DYNC2H1: variants seen among roughly 807,000 people sequenced by gnomAD.
DYNC2H1 encodes the protein cytoplasmic dynein 2 heavy chain 1.
A neutral mutation model predicts 570.0 loss-of-function variants in DYNC2H1; 410 were observed. The ratio of observed to expected loss-of-function variants is 0.72; its 90% CI spans 0.66 to 0.78. DYNC2H1 has a LOEUF of 0.78. Ranked by LOEUF, DYNC2H1 falls within the 30% of genes least tolerant of loss-of-function variation. The pLI is 0.00. For synonymous variants in DYNC2H1, 1,688 were observed against 1,677.6 expected, an observed-to-expected ratio of 1.01 and a Z score of -0.15; for missense variants, 4,865 against 5,046.4, an observed-to-expected ratio of 0.96 and a Z score of 1.09.
At chr11:103,342,652 A>G (rs189464112) in intron 82 of DYNC2H1, among the ~76,000 whole-genome samples, 32,777 of 151,592 alleles carry the variant, frequency 0.22, 3,642 homozygotes, top group Admixed American at 0.31. Flanking sequence ...ACAGGCGCCC[A>G]CCACCATGCC....
At chr11:103,240,040 A>G (rs1182637222) in intron 63 of DYNC2H1, among the ~76,000 whole-genome samples, 4 of 152,156 alleles carry the variant, frequency 2.6e-5, no homozygotes, top group African/African-American at 4.8e-5. Flanking sequence ...TTTTAAGTCA[A>G]AAATCCTCCA....
intron 79 of DYNC2H1, among the ~76,000 whole-genome samples, chr11:103,314,965 A>G (rs931746254): frequency 2.0e-5 from 3 of 152,108 alleles, no homozygotes; most frequent in Non-Finnish European, 4.4e-5. Context: ...GAATTGTTAG[A>G]AAGTTTAGAT....
rs7951350 is a variant in DYNC2H1 at position 103,340,947 on chromosome 11, G to A, written c.12039+16957G>A. Among the ~76,000 whole-genome samples the A allele has an allele frequency of 3.9e-5, 6 of 152,028 alleles. No homozygotes were observed. The South Asian group carries it at 6.2e-4, about 16-fold the overall frequency. ...AAGAAAGCTTATAATAGTTACAAAG[G>A]TTAGAGATTTAAAACTCCAAGCAGA... On this transcript the variant is annotated intron_variant, in intron 82 of 88. Coordinates refer to ENST00000375735, the MANE Select transcript of DYNC2H1 (RefSeq NM_001377.3).
chr11:103,200,017 G>T (rs775958649), intron 49 of DYNC2H1, 29 bp from the exon 50 acceptor site: 1 of 1,436,590 alleles, frequency 7.0e-7, no homozygotes, highest in Non-Finnish European at 9.6e-7. Context: ...TACTTAAAGG[G>T]CACTAAAAAA....
At chr11:103,283,479 T>G (rs1359005001) in intron 73 of DYNC2H1, among the ~76,000 whole-genome samples, 1 of 152,124 alleles carries the variant, frequency 6.6e-6, no homozygotes, top group Non-Finnish European at 1.5e-5. Context: ...TGCATATGTT[T>G]CCATCCTTCC....
intron 81 of DYNC2H1, among the ~76,000 whole-genome samples, chr11:103,323,407 T>TTGCATACTAGTGTGTG (rs61245708): frequency 0.29 from 43,933 of 151,730 alleles, 7,327 homozygotes; most frequent in Non-Finnish European, 0.36. Flanking sequence ...AAAGCAGTGC[T>TTGCATACTAGTGTGTG]TCTACACGTT....
At position 103,472,032 on chromosome 11, in the gene DYNC2H1, G is replaced by A. The variant is rs2135858663; in HGVS notation, c.12765+3327G>A. 6.6e-6 allele frequency among the ~76,000 whole-genome samples: 1 copy of A among 152,300 alleles called. No homozygotes were observed. The highest frequency in any genetic ancestry group is 1.5e-5 in the Non-Finnish European group (1 of 68,010). ...TAACAAGGCATTCCAGACAGAAGTA[G>A]CAGCATATGTAAATATATGCAGATA... On this transcript the variant is annotated intron_variant, in intron 88 of 88. Coordinates refer to ENST00000375735, the MANE Select transcript of DYNC2H1 (RefSeq NM_001377.3). The surrounding 1 kb of genome is among the most constrained non-coding windows in gnomAD (Gnocchi z 4.1).
chr11:103,387,968 T>A (rs1360708403), intron 83 of DYNC2H1, among the ~76,000 whole-genome samples: 23 of 152,208 alleles, frequency 1.5e-4, no homozygotes, highest in Non-Finnish European at 3.1e-4. Flanking sequence ...TGGCTTGGGA[T>A]TGACTTGGCA....
At chr11:103,456,812 C>A (rs947968454) in intron 87 of DYNC2H1, among the ~76,000 whole-genome samples, 4 of 152,190 alleles carry the variant, frequency 2.6e-5, no homozygotes, top group Non-Finnish European at 4.4e-5. Flanking sequence ...GATAGTGACA[C>A]CTTTGCTTTC....
In DYNC2H1 at chr11:103,204,212, G is replaced by C. The variant is rs1327403955; in HGVS notation, c.8311+436G>C. 6.6e-6 allele frequency among the ~76,000 whole-genome samples: 1 copy of C among 152,072 alleles called. No homozygotes were observed. On this transcript the variant is annotated intron_variant, in intron 51 of 88. Coordinates refer to ENST00000375735, the MANE Select transcript of DYNC2H1 (RefSeq NM_001377.3). This position sits in a 1 kb window ranked among gnomAD's most constrained non-coding sequence, Gnocchi z 4.1. ...GAATAGCATGGGAAATACCTGCCCC[G>C]CTCCATGATTCAATCATGTCCCACC...
At chr11:103,310,668 A>ATTTTCTTT (rs1565484680) in intron 78 of DYNC2H1, among the ~76,000 whole-genome samples, 2 of 52,716 alleles carry the variant, frequency 3.8e-5, no homozygotes, top group African/African-American at 1.2e-4. Flanking sequence ...TCAGTAGTGT[A>ATTTTCTTT]TTTTCTTTTT....
At chr11:103,362,878 A>C (rs1940723104) in intron 83 of DYNC2H1, among the ~76,000 whole-genome samples, 1 of 152,056 alleles carries the variant, frequency 6.6e-6, no homozygotes, top group African/African-American at 2.4e-5. Flanking sequence ...TAAAAATACA[A>C]AAATTAGCCA....
rs375621197 is a variant in DYNC2H1, at chr11:103,186,218, T to C, written c.6634-24T>C. The C allele has an allele frequency of 6.9e-6, 11 of 1,597,882 alleles. No individual in the cohort carries two copies. Among genetic ancestry groups the C allele is most frequent in the Middle Eastern group, 1.7e-4 (1 of 6,000 alleles). The stretch of plus-strand genomic sequence containing the variant: ...CACACACTCTGGAGTATGTGAAAAC[T>C]TATCACAATTTTTTCCTCTTAAGGT... On this transcript the variant is annotated intron_variant, in intron 41 of 88. Transcript: ENST00000375735. This position sits in a 1 kb window ranked among gnomAD's most constrained non-coding sequence, Gnocchi z 4.5.
chr11:103,349,675 G>A (rs995843936), intron 82 of DYNC2H1, among the ~76,000 whole-genome samples: 8 of 152,020 alleles, frequency 5.3e-5, no homozygotes, highest in South Asian at 2.1e-4. Context: ...AATACACTTC[G>A]GTGACAGGTT....
At chr11:103,470,366 T>C (rs184172285) in intron 88 of DYNC2H1, among the ~76,000 whole-genome samples, 59 of 152,342 alleles carry the variant, frequency 3.9e-4, no homozygotes, top group Admixed American at 1.4e-3. Context: ...GTAAAATGAA[T>C]AGAGCATTTA....
chr11:103,431,029 A>C (rs141069826), intron 84 of DYNC2H1, among the ~76,000 whole-genome samples: 2 of 152,130 alleles, frequency 1.3e-5, no homozygotes, highest in South Asian at 2.1e-4. Context: ...ATTGGCAAAT[A>C]GCAGCTATTT....
In DYNC2H1 at chr11:103,154,806, T is replaced by C. The variant is rs1370439821; in HGVS notation, c.3570T>C (p.Tyr1190=). ...TVKLQSEVDK[Y]KIVIPILKYV... The stretch of plus-strand genomic sequence containing the variant: ...AATTACAATCAGAGGTTGACAAATA[T>C]AAAGTAAGATTGTTTTATTATTTTG... Residue 1190 remains tyrosine, a synonymous_variant, in exon 24 of 89, where the codon TAT becomes TAC. Coordinates refer to ENST00000375735, the MANE Select transcript of DYNC2H1 (RefSeq NM_001377.3). 3 of 1,537,912 alleles carry C rather than the reference T, an allele frequency of 2.0e-6. No individual in the cohort carries two copies. Among genetic ancestry groups the C allele is most frequent in the South Asian group, 1.2e-5 (1 of 80,026 alleles).
At chr11:103,293,253 T>C (rs897575226) in intron 75 of DYNC2H1, among the ~76,000 whole-genome samples, 1 of 152,178 alleles carries the variant, frequency 6.6e-6, no homozygotes, top group African/African-American at 2.4e-5. Context: ...CCCTCCCTCA[T>C]GGCATGTGAG....
Position 103,253,285 on chromosome 11 carries a change from G to A in DYNC2H1, c.10043G>A (p.Gly3348Glu). The change falls in exon 66 of 89, where the codon GGA becomes GAA. Residue 3348 changes from glycine to glutamate, a missense_variant and splice_region_variant. By Grantham distance (98) the Gly-to-Glu change is moderately conservative. Transcript: ENST00000375735. Reference protein sequence around the residue: ...PLLRRDLVAQGPRYVVQIGDK... With the variant: ...PLLRRDLVAQEPRYVVQIGDK... Reference sequence around the variant, plus strand: ...CCAATTGTGTGTTTTTTTTAAATAGGACCACGTTATGTGGTACAAATAGGT... The same window carrying A: ...CCAATTGTGTGTTTTTTTTAAATAGAACCACGTTATGTGGTACAAATAGGT... 1 of 1,603,386 alleles carries A rather than the reference G, an allele frequency of 6.2e-7. No individual in the cohort carries two copies. Among genetic ancestry groups the A allele is most frequent in the Non-Finnish European group, 8.5e-7 (1 of 1,174,150 alleles).
Sources: gnomAD v4.1 joint callset for allele counts (sites outside exome capture counted in the v4.1 genomes callset) on GRCh38, gnomAD v4.1.1 for gene constraint, Gnocchi (gnomAD v3.1) non-coding constraint, MANE v1.5 for transcripts, NCBI Gene and HGNC (gene_info 2026-07-23, HGNC 2026-07-21) for gene names.